Variants in PPRC1 observed in about 807,000 individuals in gnomAD.
PPRC1 encodes the protein PPARG related coactivator 1, also known as peroxisome proliferator-activated receptor gamma coactivator-related protein 1.
Under a neutral mutation model 132.5 loss-of-function variants are expected in PPRC1, and 23 were observed. The ratio of observed to expected loss-of-function variants is 0.17; its 90% CI spans 0.12 to 0.25. The LOEUF is 0.25. Among genes scored for constraint, PPRC1 ranks in the 10% least tolerant of loss-of-function variants. The pLI, the probability that PPRC1 is intolerant of heterozygous loss-of-function variation, is 1.00. For missense variants in PPRC1, 2,006 were observed against 2,089.1 expected, an observed-to-expected ratio of 0.96 and a Z score of 0.78; for synonymous variants, 872 against 833.5, an observed-to-expected ratio of 1.05 and a Z score of -0.80.
In PPRC1 at chr10:102,133,200, CGCTGTGA is replaced by C; in HGVS notation, c.135_141del (p.Val46AlafsTer26). 1 of 1,281,562 alleles carries C rather than the reference CGCTGTGA, an allele frequency of 7.8e-7. No homozygotes were observed. The highest frequency in any genetic ancestry group is 9.9e-7 in the Non-Finnish European group (1 of 1,007,462). 79.4% of individuals were successfully genotyped at this position (1,281,562 alleles called of 1,614,324 possible). On this transcript the variant is annotated frameshift_variant, in exon 1 of 14. Transcript: ENST00000278070. LOFTEE classifies it high-confidence loss of function. ...GCCAAGCGCCGTATGGGACTTTGGG[CGCTGTGA>C]GCGGCGGCGAGCAGGTGAGAGGTTG...
chr10:102,140,710 A>G lies in PPRC1; in HGVS notation c.2202A>G (p.Lys734=), dbSNP rs954601566. The G allele has an allele frequency of 6.2e-7, 1 of 1,614,010 alleles. No homozygotes were observed. The highest frequency in any genetic ancestry group is 8.5e-7 in the Non-Finnish European group (1 of 1,179,986). ...PEVKEVVDSL[K]IESGTSATTH... Reference sequence around the variant, plus strand: ...TCAAAGAGGTTGTGGATTCTCTGAAAATTGAAAGTGGTACCAGTGCTACAA... The same window carrying G: ...TCAAAGAGGTTGTGGATTCTCTGAAGATTGAAAGTGGTACCAGTGCTACAA... The change falls in exon 5 of 14, where the codon AAA becomes AAG. Residue 734 remains lysine, a synonymous_variant. Transcript: ENST00000278070.
Position 102,146,753 on chromosome 10 carries a change from C to T in PPRC1, c.3761C>T (p.Pro1254Leu), listed in dbSNP as rs2069263248. The change falls in exon 9 of 14, where the codon CCT becomes CTT. Residue 1254 changes from proline (P) to leucine (L), a missense_variant. Pro to Leu is a moderately conservative substitution (Grantham distance 98). Around this residue, in one of 2 missense-constraint regions of PPRC1, gnomAD observed 1,914 missense variants for 1,917.2 expected, o/e 1.00. Coordinates refer to ENST00000278070, the MANE Select transcript of PPRC1 (RefSeq NM_015062.5). Reference protein sequence around the residue: ...AVSLLAKAKSPKSTAQEGTLK... With the variant: ...AVSLLAKAKSLKSTAQEGTLK... Reference sequence around the variant, plus strand: ...TCACTGCTGGCCAAAGCCAAATCTCCTAAGTCCACCGCCCAGGAGGGAACC... The same window carrying T: ...TCACTGCTGGCCAAAGCCAAATCTCTTAAGTCCACCGCCCAGGAGGGAACC... 2 of 1,613,992 alleles carry T rather than the reference C, an allele frequency of 1.2e-6. No individual in the cohort carries two copies. Among genetic ancestry groups the T allele is most frequent in the African/African-American group, 1.3e-5 (1 of 74,900 alleles).
In PPRC1 at chr10:102,138,601, G is replaced by C. The variant is rs113740223; in HGVS notation, c.343-18G>C. 7 of 1,612,996 alleles carry C rather than the reference G, an allele frequency of 4.3e-6. No homozygotes were observed. The East Asian group carries it at 1.6e-4, about 36-fold the overall frequency. On this transcript the variant is annotated intron_variant, in intron 2 of 13. Coordinates refer to ENST00000278070, the MANE Select transcript of PPRC1 (RefSeq NM_015062.5). Reference sequence around the variant, plus strand: ...TTAGGGATGTTGGTAGGACCTTCTGGTTGTTTTTCTGGAGCAGAGCAGGTT... The same window carrying C: ...TTAGGGATGTTGGTAGGACCTTCTGCTTGTTTTTCTGGAGCAGAGCAGGTT...
chr10:102,132,584 G>C (rs749137823), upstream of PPRC1, among the ~76,000 whole-genome samples: 1 of 152,232 alleles, frequency 6.6e-6, no homozygotes, highest in African/African-American at 2.4e-5. Context: ...CAGTACTGCC[G>C]CAATATGGGA....
Position 102,139,304 on chromosome 10 carries a change from A to G in PPRC1, c.796A>G (p.Asn266Asp), listed in dbSNP as rs755409566. 2 of 1,614,178 alleles carry G rather than the reference A, an allele frequency of 1.2e-6. No homozygotes were observed. Among genetic ancestry groups the G allele is most frequent in the East Asian group, 4.5e-5 (2 of 44,878 alleles). Residue 266 changes from asparagine to aspartate, a missense_variant, in exon 5 of 14, where the codon AAC (asparagine) becomes GAC (aspartate). Physicochemically the swap from Asn to Asp is conservative, Grantham distance 23 (BLOSUM62 1). Coordinates refer to ENST00000278070, the MANE Select transcript of PPRC1 (RefSeq NM_015062.5). Reference protein sequence around the residue: ...SGQILAGELDNCVSSIPDFPM... With the variant: ...SGQILAGELDDCVSSIPDFPM... ...CCAGATTCTTGCCGGGGAGCTTGAC[A>G]ACTGTGTGAGCAGTATCCCGGACTT...
the PPRC1 span, among the ~76,000 whole-genome samples, chr10:102,126,018 A>G: frequency 6.6e-6 from 1 of 151,810 alleles, no homozygotes; most frequent in African/African-American, 2.4e-5. Context: ...ATGCACCACC[A>G]TGCCCGGCTA....
chr10:102,132,995 T>A, upstream of PPRC1: 1 of 1,233,942 alleles, frequency 8.1e-7, no homozygotes, highest in Non-Finnish European at 1.0e-6. Context: ...TCGGGAGTTG[T>A]AGTTCCTTTC....
At chr10:102,120,371 C>G in the PPRC1 span, 1 of 984,138 alleles carries the variant, frequency 1.0e-6, no homozygotes, top group African/African-American at 1.8e-5. Flanking sequence ...GAGTGTGTGT[C>G]CGTGTGTGCG....
At chr10:102,121,697 G>T in the PPRC1 span, among the ~76,000 whole-genome samples, 26 of 152,242 alleles carry the variant, frequency 1.7e-4, no homozygotes, top group Admixed American at 7.8e-4. Flanking sequence ...TCTTTCTTAA[G>T]TTTCAGTATG....
At chr10:102,128,486 A>G (rs1161747493), upstream of PPRC1, among the ~76,000 whole-genome samples, 1 of 151,812 alleles carries the variant, frequency 6.6e-6, no homozygotes, top group East Asian at 1.9e-4. Context: ...GCCTCTCCAT[A>G]GTACTGCTTA....
intron 8 of PPRC1, among the ~76,000 whole-genome samples, chr10:102,145,842 G>A (rs963108686): frequency 6.6e-6 from 1 of 152,306 alleles, no homozygotes; most frequent in Admixed American, 6.5e-5. Context: ...TCCAGCCTAG[G>A]CGACAGGGCA....
chr10:102,133,885 T>C (rs1238748626), intron 1 of PPRC1, among the ~76,000 whole-genome samples: 1 of 150,778 alleles, frequency 6.6e-6, no homozygotes, highest in Non-Finnish European at 1.5e-5. Flanking sequence ...CCTTGGAGGT[T>C]TTTTTTTTCC....
chr10:102,120,243 C>G, the PPRC1 span: 3 of 982,868 alleles, frequency 3.1e-6, no homozygotes, highest in South Asian at 9.1e-5. Context: ...CGGCCTCGGC[C>G]CGGTGCGGGC....
chr10:102,129,493 G>C (rs1319558037), upstream of PPRC1, among the ~76,000 whole-genome samples: 1 of 152,182 alleles, frequency 6.6e-6, no homozygotes, highest in Non-Finnish European at 1.5e-5. Flanking sequence ...TGTTTCTTCA[G>C]ATGCTGAATA....
At chr10:102,133,407 C>A (rs950832910) in intron 1 of PPRC1, among the ~76,000 whole-genome samples, 186 bp downstream of exon 1, 4 of 151,958 alleles carry the variant, frequency 2.6e-5, no homozygotes, top group Admixed American at 1.3e-4. Context: ...AGCGTCTCTA[C>A]GGCCATTCCT....
In PPRC1 at chr10:102,137,900, G is replaced by T; in HGVS notation, c.204G>T (p.Arg68=). Residue 68 remains arginine (R), a synonymous_variant, in exon 2 of 14, where the codon CGG becomes CGT. Transcript: ENST00000278070. Reference sequence around the variant, plus strand: ...ATTCTGGCTTTGTCAGTCTCTCTCGGCTGGGCCCATCTCTGAGGGACAAGG... The same window carrying T: ...ATTCTGGCTTTGTCAGTCTCTCTCGTCTGGGCCCATCTCTGAGGGACAAGG... ...AGDSGFVSLS[R]LGPSLRDKDL... is the part of the protein sequence containing the mutation. The T allele has an allele frequency of 6.2e-7, 1 of 1,614,124 alleles. No individual in the cohort carries two copies. Among genetic ancestry groups the T allele is most frequent in the Non-Finnish European group, 8.5e-7 (1 of 1,180,014 alleles).
At position 102,146,004 on chromosome 10, in the gene PPRC1, A is replaced by G. The variant is rs559445932; in HGVS notation, c.3680-668A>G. Reference sequence around the variant, plus strand: ...CTATCAGGTGGTAGATTTAGGGAACAGGGCATTCTAGGAAGACAGAGCATC... The same window carrying G: ...CTATCAGGTGGTAGATTTAGGGAACGGGGCATTCTAGGAAGACAGAGCATC... On this transcript the variant is annotated intron_variant, in intron 8 of 13. Transcript: ENST00000278070. Among the ~76,000 whole-genome samples, 3 of 152,354 alleles carry G rather than the reference A, an allele frequency of 2.0e-5. No individual in the cohort carries two copies. The South Asian group carries it at 6.2e-4, about 32-fold the overall frequency.
intron 1 of PPRC1, among the ~76,000 whole-genome samples, chr10:102,136,991 G>A (rs1010101908): frequency 6.6e-6 from 1 of 152,220 alleles, no homozygotes; most frequent in African/African-American, 2.4e-5. Context: ...TGGAGAAGAG[G>A]CCCTTCCCTT....
chr10:102,136,922 C>T (rs529672280), intron 1 of PPRC1, among the ~76,000 whole-genome samples: 3 of 152,306 alleles, frequency 2.0e-5, no homozygotes, highest in Admixed American at 6.5e-5. Flanking sequence ...GAGTGTGGGG[C>T]GGGGCCTTTC....
Sources: gnomAD v4.1 joint callset for allele counts (sites outside exome capture counted in the v4.1 genomes callset) on GRCh38, gnomAD v4.1.1 for gene constraint, gnomAD v4.1.1 regional missense constraint, MANE v1.5 for transcripts, NCBI Gene and HGNC (gene_info 2026-07-23, HGNC 2026-07-21) for gene names.